The following SLC2A9 variants were observed in gnomAD, a reference collection of about 807,000 sequenced individuals.
The protein encoded by SLC2A9 is solute carrier family 2, facilitated glucose transporter member 9.
A neutral mutation model predicts 50.6 loss-of-function variants in SLC2A9; 39 were observed. That is an observed-to-expected ratio of 0.77 (90% CI 0.60 to 1.01). The LOEUF is 1.01. SLC2A9 is among the 50% of genes least tolerant of loss of function. SLC2A9 has a pLI of 0.00. For missense variants in SLC2A9, 686 were observed against 677.6 expected (o/e 1.01, Z -0.14); for synonymous variants, 324 against 276.9 (o/e 1.17, Z -1.69).
intron 1 of SLC2A9, among the ~76,000 whole-genome samples, chr4:10,029,588 T>TA (rs1763869132): frequency 1.4e-5 from 2 of 138,250 alleles, no homozygotes; most frequent in South Asian, 2.2e-4. Flanking sequence ...TTTTATTTTA[T>TA]TTTATATTAT....
intron 5 of SLC2A9, among the ~76,000 whole-genome samples, chr4:9,945,126 T>C (rs1473004154): frequency 6.6e-6 from 1 of 152,244 alleles, no homozygotes; most frequent in African/African-American, 2.4e-5. Context: ...CAACCCTTAC[T>C]GAGCAGGGGC....
intron 3 of SLC2A9, among the ~76,000 whole-genome samples, chr4:9,807,875 T>C (rs1036546084): frequency 3.5e-4 from 54 of 152,220 alleles, no homozygotes; most frequent in African/African-American, 1.2e-3. Flanking sequence ...AATCAGAACA[T>C]AGCCTCCTTG....
intron 10 of SLC2A9, among the ~76,000 whole-genome samples, chr4:9,848,555 G>A (rs1361502814): frequency 3.9e-5 from 6 of 152,062 alleles, no homozygotes; most frequent in African/African-American, 1.2e-4. Flanking sequence ...CTCGAGGGCA[G>A]GCATCTTGTC....
In SLC2A9 at chr4:9,817,435, G is replaced by A. The variant is rs575196431; in HGVS notation, n.420+8985C>T. On this transcript the variant is annotated intron_variant and non_coding_transcript_variant, in intron 3 of 3. Coordinates refer to the SLC2A9 transcript ENST00000503280. ...GGAGAATCAAACAGACAAGACTCCT[G>A]CCCTCCTGAAGCAGTTCTTCATTTT... Among the ~76,000 whole-genome samples the A allele has an allele frequency of 9.9e-4, 151 of 152,276 alleles. 2 individuals are homozygous for A. Among genetic ancestry groups the A allele is most frequent in the African/African-American group, 3.4e-3 (142 of 41,558 alleles).
At chr4:9,953,101 C>T (rs1335915223) in intron 5 of SLC2A9, among the ~76,000 whole-genome samples, 1 of 152,188 alleles carries the variant, frequency 6.6e-6, no homozygotes, top group Non-Finnish European at 1.5e-5. Flanking sequence ...GACTTTAATT[C>T]TTCAGATCCT....
intron 6 of SLC2A9, 28 bp from the exon 7 acceptor site, chr4:9,920,600 C>T (rs1372274943): frequency 6.2e-7 from 1 of 1,613,766 alleles, no homozygotes; most frequent in Non-Finnish European, 8.5e-7. Context: ...CATGGACTTT[C>T]AGCAGGGATT....
intron 3 of SLC2A9, among the ~76,000 whole-genome samples, chr4:9,799,932 A>G (rs1255821927): frequency 6.6e-6 from 1 of 152,156 alleles, no homozygotes; most frequent in Non-Finnish European, 1.5e-5. Context: ...TGTTGTAGGA[A>G]TAACTTCAAG....
At chr4:9,923,124 T>G (rs1744235936) in intron 6 of SLC2A9, among the ~76,000 whole-genome samples, 1 of 152,032 alleles carries the variant, frequency 6.6e-6, no homozygotes, top group Non-Finnish European at 1.5e-5. Context: ...GCTGGAGTCC[T>G]GAGGGGGCAC....
At chr4:9,783,554 T>C in intron 3 of SLC2A9, 1 of 1,212,250 alleles carries the variant, frequency 8.2e-7, no homozygotes. Flanking sequence ...TTTCCAGTGC[T>C]GCTCCCTTTA....
chr4:9,906,603 T>C (rs892727438), intron 8 of SLC2A9, among the ~76,000 whole-genome samples: 1 of 152,236 alleles, frequency 6.6e-6, no homozygotes, highest in African/African-American at 2.4e-5. Flanking sequence ...CAAACTTCCT[T>C]GGGTAGTATG....
chr4:9,783,416 AT>A (rs1560113720), intron 3 of SLC2A9: 1 of 1,613,806 alleles, frequency 6.2e-7, no homozygotes, highest in East Asian at 2.2e-5. Flanking sequence ...CGAGGGGGAG[AT>A]TTCTTTAGAC....
At chr4:9,918,272 C>T (rs1743252659) in intron 7 of SLC2A9, among the ~76,000 whole-genome samples, 1 of 152,182 alleles carries the variant, frequency 6.6e-6, no homozygotes. Context: ...GGTGCCTGCA[C>T]AGAAAAAGTC....
At chr4:9,793,990 A>G (rs1179068911) in intron 3 of SLC2A9, among the ~76,000 whole-genome samples, 2 of 152,238 alleles carry the variant, frequency 1.3e-5, no homozygotes, top group Admixed American at 1.3e-4. Flanking sequence ...CAGTTGTGTG[A>G]TTTTAAGTAA....
intron 10 of SLC2A9, among the ~76,000 whole-genome samples, chr4:9,858,336 G>A (rs1183829042): frequency 6.6e-6 from 1 of 152,194 alleles, no homozygotes; most frequent in Non-Finnish European, 1.5e-5. Flanking sequence ...CAACATTAGT[G>A]TCTTTGTGAC....
At chr4:9,867,827 C>T (rs1054393697) in intron 10 of SLC2A9, among the ~76,000 whole-genome samples, 3 of 152,224 alleles carry the variant, frequency 2.0e-5, no homozygotes, top group African/African-American at 7.2e-5. Context: ...GGACTGCCCC[C>T]CTATGCAGGG....
intron 3 of SLC2A9, among the ~76,000 whole-genome samples, chr4:9,990,634 G>C (rs976665301): frequency 6.6e-6 from 1 of 152,034 alleles, no homozygotes; most frequent in African/African-American, 2.4e-5. Flanking sequence ...ATACCAAAGG[G>C]GTTGTGTCCA....
chr4:9,973,373 G>C (rs766986194), intron 5 of SLC2A9, among the ~76,000 whole-genome samples: 34 of 152,162 alleles, frequency 2.2e-4, no homozygotes, highest in Admixed American at 3.9e-4. Context: ...GTACAAAGAA[G>C]AGCTGGTACC....
intron 10 of SLC2A9, among the ~76,000 whole-genome samples, chr4:9,887,135 C>G (rs1174794837): frequency 6.6e-6 from 1 of 152,224 alleles, no homozygotes; most frequent in African/African-American, 2.4e-5. Flanking sequence ...TAAATGAGCT[C>G]ACACAGGTCA....
intron 8 of SLC2A9, 39 bp from the exon 9 acceptor site, chr4:9,890,750 C>A: frequency 6.5e-7 from 1 of 1,547,582 alleles, no homozygotes; most frequent in South Asian, 1.1e-5. Context: ...GCTATTATTC[C>A]ATTTCTAACC....
Sources: gnomAD v4.1 joint callset for allele counts (sites outside exome capture counted in the v4.1 genomes callset) on GRCh38, gnomAD v4.1.1 for gene constraint, MANE v1.5 for transcripts, NCBI Gene and HGNC (gene_info 2026-07-23, HGNC 2026-07-21) for gene names.